TIAM2: variants seen among roughly 807,000 people sequenced by gnomAD.
TIAM2 encodes rho guanine nucleotide exchange factor TIAM2.
Under a neutral mutation model 152.9 loss-of-function variants are expected in TIAM2, and 80 were observed. The observed-to-expected ratio is 0.52, with a 90% CI of 0.44 to 0.63. The LOEUF (loss-of-function observed/expected upper bound fraction) is 0.63, where lower values mean the gene tolerates loss of function less well. Among genes scored for constraint, TIAM2 ranks in the 30% least tolerant of loss-of-function variants. TIAM2 has a pLI of 0.00. For synonymous variants in TIAM2, 804 were observed against 838.0 expected (o/e 0.96, Z 0.70); for missense variants, 1,965 against 2,120.1 (o/e 0.93, Z 1.44).
chr6:155,012,345 A>T (rs1024341340), intron 1 of TIAM2, among the ~76,000 whole-genome samples: 11 of 151,984 alleles, frequency 7.2e-5, no homozygotes, highest in African/African-American at 2.7e-4. Flanking sequence ...CAGTATTTTG[A>T]TTTTTCTCAC....
chr6:155,247,435 T>C (rs1294086395), intron 19 of TIAM2, among the ~76,000 whole-genome samples: 1 of 152,066 alleles, frequency 6.6e-6, no homozygotes, highest in African/African-American at 2.4e-5. Context: ...TTCAGGTGAT[T>C]CTCCTCCCTC....
At chr6:155,227,542 C>T (rs1263840952) in intron 15 of TIAM2, among the ~76,000 whole-genome samples, 1 of 152,046 alleles carries the variant, frequency 6.6e-6, no homozygotes, top group Non-Finnish European at 1.5e-5. Context: ...CACACTGCCT[C>T]GTAAGGAGAA....
intron 7 of TIAM2, among the ~76,000 whole-genome samples, chr6:155,160,154 A>T (rs1434823037): frequency 2.0e-5 from 3 of 152,180 alleles, no homozygotes; most frequent in Admixed American, 6.5e-5. Context: ...TTCCAGTCTG[A>T]GTCTAAGGCA....
intron 7 of TIAM2, among the ~76,000 whole-genome samples, chr6:155,157,104 C>A (rs570119214): frequency 1.3e-5 from 2 of 152,168 alleles, no homozygotes; most frequent in African/African-American, 4.8e-5. Context: ...TATCTCTGAA[C>A]CCTCGATGCC....
chr6:155,152,035 G>A (rs1779983697), intron 7 of TIAM2, among the ~76,000 whole-genome samples: 1 of 151,590 alleles, frequency 6.6e-6, no homozygotes, highest in South Asian at 2.1e-4. Context: ...ATAGAGACGG[G>A]GTTTCACCAT....
intron 1 of TIAM2, among the ~76,000 whole-genome samples, chr6:155,043,649 A>AAAG: frequency 6.6e-6 from 1 of 150,728 alleles, no homozygotes; most frequent in East Asian, 1.9e-4. Context: ...AAAAAAAAAA[A>AAAG]AAAAAAAAGG....
intron 1 of TIAM2, among the ~76,000 whole-genome samples, chr6:155,032,368 G>A (rs1776841420): frequency 1.3e-5 from 2 of 152,122 alleles, no homozygotes; most frequent in African/African-American, 2.4e-5. Flanking sequence ...GATGCTGATA[G>A]CAATCTATGT....
At chr6:155,113,004 C>T (rs1778894476) in intron 2 of TIAM2, among the ~76,000 whole-genome samples, 1 of 152,104 alleles carries the variant, frequency 6.6e-6, no homozygotes, top group Non-Finnish European at 1.5e-5. Flanking sequence ...TCCATATCCA[C>T]ACAGCAGCTA....
intron 1 of TIAM2, among the ~76,000 whole-genome samples, chr6:155,085,507 C>T (rs1335639884): frequency 6.6e-6 from 1 of 151,906 alleles, no homozygotes; most frequent in East Asian, 1.9e-4. Context: ...TCACCCAGTC[C>T]TTGGCAGTAG....
chr6:155,193,390 C>T (rs1180279715), intron 14 of TIAM2, among the ~76,000 whole-genome samples: 7 of 130,860 alleles, frequency 5.3e-5, no homozygotes, highest in Non-Finnish European at 8.2e-5. Flanking sequence ...GGGGACAGAG[C>T]GAGACCTTGT....
At chr6:155,029,388 T>TATATATACTATAGTATATATA (rs1383200999) in intron 1 of TIAM2, among the ~76,000 whole-genome samples, 1 of 91,784 alleles carries the variant, frequency 1.1e-5, no homozygotes, top group African/African-American at 4.1e-5. Context: ...TACTATGTTA[T>TATATATACTATAGTATATATA]ATATATACTA....
chr6:155,222,731 G>T (rs751998554), intron 15 of TIAM2, among the ~76,000 whole-genome samples: 3 of 151,986 alleles, frequency 2.0e-5, no homozygotes, highest in African/African-American at 7.2e-5. Context: ...GAAACTCAAG[G>T]GTCCGTCTGA....
intron 1 of TIAM2, among the ~76,000 whole-genome samples, chr6:155,017,424 G>A (rs1462870606): frequency 6.6e-6 from 1 of 152,000 alleles, no homozygotes; most frequent in African/African-American, 2.4e-5. Flanking sequence ...GAGAGCTTGG[G>A]TGGGGCAGCA....
intron 1 of TIAM2, among the ~76,000 whole-genome samples, chr6:155,006,547 T>A (rs572046653): frequency 1.2e-3 from 188 of 151,428 alleles, no homozygotes; most frequent in African/African-American, 4.3e-3. Context: ...ATGCCTGTAA[T>A]CCCAAATACA....
At chr6:155,210,399 G>C (rs925060779) in intron 14 of TIAM2, among the ~76,000 whole-genome samples, 8 of 151,102 alleles carry the variant, frequency 5.3e-5, no homozygotes. Flanking sequence ...GCTCACTGCC[G>C]CCTCAAACTC....
chr6:155,007,897 G>A (rs1778426083), intron 1 of TIAM2, among the ~76,000 whole-genome samples: 4 of 152,300 alleles, frequency 2.6e-5, no homozygotes, highest in African/African-American at 9.6e-5. Context: ...CTGCAGCGTG[G>A]CATTTTCTGA....
At chr6:155,223,632 T>C (rs569595040) in intron 15 of TIAM2, among the ~76,000 whole-genome samples, 2 of 152,220 alleles carry the variant, frequency 1.3e-5, no homozygotes, top group Admixed American at 6.6e-5. Flanking sequence ...TTGAAAGTTT[T>C]ATTTTCTATC....
chr6:155,194,185 C>T (rs936430841), intron 14 of TIAM2, among the ~76,000 whole-genome samples: 2 of 152,108 alleles, frequency 1.3e-5, no homozygotes, highest in African/African-American at 2.4e-5. Flanking sequence ...CGCAGAGAAG[C>T]CGGGAGGAGG....
chr6:155,132,968 T>C lies in TIAM2; in HGVS notation c.1194+2551T>C, dbSNP rs530582607. On this transcript the variant is annotated intron_variant, in intron 4 of 26. Transcript: ENST00000682666. Reference sequence around the variant, plus strand: ...CCTTGCCTCTCCTGTCAAGTTACCCTCCCTGCGTCTCCTACCCACGGGAAC... The same window carrying C: ...CCTTGCCTCTCCTGTCAAGTTACCCCCCCTGCGTCTCCTACCCACGGGAAC... Among the ~76,000 whole-genome samples the C allele has an allele frequency of 1.3e-3, 193 of 152,326 alleles. 1 individual carries two copies. Among genetic ancestry groups the C allele is most frequent in the African/African-American group, 4.5e-3 (187 of 41,588 alleles).
Sources: allele counts gnomAD v4.1 joint callset (sites outside exome capture counted in the v4.1 genomes callset), GRCh38; gene constraint gnomAD v4.1.1; transcripts MANE v1.5; gene names NCBI Gene and HGNC (gene_info 2026-07-23, HGNC 2026-07-21).